Variants in EPB41L4A observed in about 807,000 individuals in gnomAD.
EPB41L4A encodes band 4.1-like protein 4A.
Under a neutral mutation model 108.6 loss-of-function variants are expected in EPB41L4A, and 100 were observed. The observed-to-expected ratio is 0.92, with a 90% CI of 0.78 to 1.09. EPB41L4A has a LOEUF of 1.09. Among genes scored for constraint, EPB41L4A ranks in the 50% least tolerant of loss-of-function variants. The pLI is 0.00. For synonymous variants in EPB41L4A, 319 were observed against 289.0 expected, an observed-to-expected ratio of 1.10 and a Z score of -1.05; for missense variants, 1,030 against 842.7, an observed-to-expected ratio of 1.22 and a Z score of -2.75.
In EPB41L4A at chr5:112,360,564, C is replaced by T. The variant is rs1189734900; in HGVS notation, c.100-53074G>A. Among the ~76,000 whole-genome samples, 7 of 152,366 alleles carry T rather than the reference C, an allele frequency of 4.6e-5. No homozygotes were observed. The East Asian group carries it at 7.7e-4, about 17-fold the overall frequency. Reference sequence around the variant, plus strand: ...TGCCGGGATTGCAGACGGAGTCTCGCTCACTCAGTGCTCAATGTTGCCCAG... The same window carrying T: ...TGCCGGGATTGCAGACGGAGTCTCGTTCACTCAGTGCTCAATGTTGCCCAG... On this transcript the variant is annotated intron_variant, in intron 1 of 22. Coordinates refer to ENST00000261486, the MANE Select transcript of EPB41L4A (RefSeq NM_022140.5).
chr5:112,216,025 C>G (rs904915991), intron 12 of EPB41L4A, among the ~76,000 whole-genome samples: 1 of 152,182 alleles, frequency 6.6e-6, no homozygotes. Context: ...TTTTAATACA[C>G]TATATCCAAA....
At chr5:112,302,973 G>C (rs535456680) in intron 2 of EPB41L4A, among the ~76,000 whole-genome samples, 4 of 152,102 alleles carry the variant, frequency 2.6e-5, no homozygotes, top group Non-Finnish European at 5.9e-5. Flanking sequence ...TGCTTCTCAT[G>C]ATGCTCTTCA....
At chr5:112,327,518 C>T (rs1756251597) in intron 1 of EPB41L4A, among the ~76,000 whole-genome samples, 1 of 152,008 alleles carries the variant, frequency 6.6e-6, no homozygotes, top group Admixed American at 6.6e-5. Flanking sequence ...GAGTTCAAGA[C>T]CAGCCTAGGC....
At chr5:112,285,844 T>A (rs1054693063) in intron 2 of EPB41L4A, among the ~76,000 whole-genome samples, 1 of 152,218 alleles carries the variant, frequency 6.6e-6, no homozygotes, top group Non-Finnish European at 1.5e-5. Flanking sequence ...ACTCTACATG[T>A]GTTTACTCTT....
intron 2 of EPB41L4A, among the ~76,000 whole-genome samples, chr5:112,283,243 C>T (rs553887318): frequency 1.2e-4 from 18 of 152,260 alleles, no homozygotes; most frequent in African/African-American, 2.4e-4. Flanking sequence ...ACCCTAGAGC[C>T]GGCCACACAC....
chr5:112,351,369 G>C (rs1362598297), intron 1 of EPB41L4A, among the ~76,000 whole-genome samples: 1 of 152,114 alleles, frequency 6.6e-6, no homozygotes, highest in Non-Finnish European at 1.5e-5. Flanking sequence ...AAAACCTAGA[G>C]GAACTGGATA....
At chr5:112,189,322 T>A (rs1761576588) in intron 17 of EPB41L4A, among the ~76,000 whole-genome samples, 1 of 152,186 alleles carries the variant, frequency 6.6e-6, no homozygotes, top group Non-Finnish European at 1.5e-5. Context: ...CTCGGGAACT[T>A]CACAAACCTC....
chr5:112,408,998 T>G (rs1197550252), intron 1 of EPB41L4A, among the ~76,000 whole-genome samples: 2 of 152,102 alleles, frequency 1.3e-5, no homozygotes, highest in African/African-American at 4.8e-5. Context: ...TTAAATTAAA[T>G]GAGAACATAC....
intron 8 of EPB41L4A, 39 bp from the exon 9 acceptor site, chr5:112,259,331 G>C (rs1302503005): frequency 6.4e-7 from 1 of 1,556,002 alleles, no homozygotes; most frequent in Non-Finnish European, 8.9e-7. Flanking sequence ...CTGTTTTTAA[G>C]TATTAACCTT....
intron 17 of EPB41L4A, among the ~76,000 whole-genome samples, chr5:112,187,425 G>A (rs1227595364): frequency 6.6e-6 from 1 of 152,140 alleles, no homozygotes; most frequent in Non-Finnish European, 1.5e-5. Context: ...TTCTAACCAT[G>A]TTTCAGAACA....
At chr5:112,166,417 A>G (rs1760251239) in intron 22 of EPB41L4A, among the ~76,000 whole-genome samples, 1 of 152,150 alleles carries the variant, frequency 6.6e-6, no homozygotes, top group Admixed American at 6.5e-5. Context: ...CTTTCCCCTC[A>G]AGCTCACTGC....
chr5:112,251,243 A>G (rs998634986), intron 9 of EPB41L4A, among the ~76,000 whole-genome samples: 6 of 152,324 alleles, frequency 3.9e-5, no homozygotes, highest in East Asian at 1.9e-4. Flanking sequence ...ACAAAACTAC[A>G]TAAGTACTTA....
At chr5:112,349,455 G>GGAGT (rs1192514941) in intron 1 of EPB41L4A, among the ~76,000 whole-genome samples, 1 of 152,154 alleles carries the variant, frequency 6.6e-6, no homozygotes, top group East Asian at 1.9e-4. Flanking sequence ...AGACCGAGGA[G>GGAGT]GAGTGGGAAG....
At chr5:112,197,175 G>A (rs942072495) in intron 15 of EPB41L4A, among the ~76,000 whole-genome samples, 1 of 152,054 alleles carries the variant, frequency 6.6e-6, no homozygotes, top group Non-Finnish European at 1.5e-5. Flanking sequence ...ACTTTTTCAA[G>A]ACTCTACTGT....
intron 1 of EPB41L4A, among the ~76,000 whole-genome samples, chr5:112,401,713 A>G (rs1362595738): frequency 6.6e-6 from 1 of 152,214 alleles, no homozygotes; most frequent in Non-Finnish European, 1.5e-5. Context: ...CAAGAAATGC[A>G]GCTGAATTGA....
At chr5:112,409,625 T>G (rs1045981487) in intron 1 of EPB41L4A, among the ~76,000 whole-genome samples, 1 of 152,182 alleles carries the variant, frequency 6.6e-6, no homozygotes, top group African/African-American at 2.4e-5. Context: ...AAAGATACTT[T>G]TTCTTATTCA....
intron 1 of EPB41L4A, among the ~76,000 whole-genome samples, chr5:112,391,246 C>T (rs991348687): frequency 1.3e-5 from 2 of 152,208 alleles, no homozygotes; most frequent in South Asian, 2.1e-4. Flanking sequence ...CAGAAGTAGG[C>T]TTCAGAAGGC....
At chr5:112,278,722 A>G (rs1250085435) in intron 3 of EPB41L4A, among the ~76,000 whole-genome samples, 1 of 152,054 alleles carries the variant, frequency 6.6e-6, no homozygotes, top group Non-Finnish European at 1.5e-5. Context: ...CTTGATAGAA[A>G]TATCAACTTT....
intron 1 of EPB41L4A, among the ~76,000 whole-genome samples, chr5:112,321,741 T>C (rs1755796004): frequency 6.6e-6 from 1 of 152,180 alleles, no homozygotes; most frequent in South Asian, 2.1e-4. Flanking sequence ...GTTCAAATAA[T>C]AGCATAGTAG....
Sources: allele counts gnomAD v4.1 joint callset (sites outside exome capture counted in the v4.1 genomes callset), GRCh38; gene constraint gnomAD v4.1.1; transcripts MANE v1.5; gene names NCBI Gene and HGNC (gene_info 2026-07-23, HGNC 2026-07-21).